The following SCRN1 variants were observed in gnomAD, a reference collection of about 807,000 sequenced individuals.
SCRN1 encodes secernin 1, also known as secernin-1.
A neutral mutation model predicts 43.3 loss-of-function variants in SCRN1; 19 were observed. The observed-to-expected ratio is 0.44, with a 90% CI of 0.31 to 0.64. The LOEUF (loss-of-function observed/expected upper bound fraction) is 0.64, where lower values mean the gene tolerates loss of function less well. Ranked by LOEUF, SCRN1 falls within the 30% of genes least tolerant of loss-of-function variation. The probability of loss-of-function intolerance (pLI) is 0.09; values close to 1 mark genes in which losing one functional copy is unlikely to be tolerated. For missense variants in SCRN1, 447 were observed against 524.1 expected (o/e 0.85, Z 1.44); for synonymous variants, 183 against 188.9 (o/e 0.97, Z 0.26).
chr7:29,984,795 C>T (rs1015931030), intron 1 of SCRN1, among the ~76,000 whole-genome samples: 1 of 144,866 alleles, frequency 6.9e-6, no homozygotes, highest in African/African-American at 2.6e-5. Flanking sequence ...GTGGCAGACG[C>T]CTGTAATCCC....
chr7:29,924,038 G>A lies in SCRN1; in HGVS notation c.1164C>T (p.Thr388=), dbSNP rs996454440. The A allele has an allele frequency of 5.6e-6, 9 of 1,614,052 alleles. No individual in the cohort carries two copies. Among genetic ancestry groups the A allele is most frequent in the African/African-American group, 5.3e-5 (4 of 74,924 alleles). Residue 388 remains threonine, a synonymous_variant, in exon 8 of 8, where the codon ACC becomes ACT. Coordinates refer to ENST00000242059, the MANE Select transcript of SCRN1 (RefSeq NM_014766.5). ...CCGCAGGGTCCAGTGGCTCGGAGCT[G>A]GTCAGGATTTCTTCCATGGCTTCCA... ...QGLEAMEEIL[T]SSEPLDPAEV...
intron 1 of SCRN1, among the ~76,000 whole-genome samples, chr7:29,973,990 G>A (rs945357149): frequency 4.0e-5 from 6 of 151,730 alleles, no homozygotes; most frequent in East Asian, 1.9e-4. Context: ...ATGATTTGAG[G>A]GGCAAGATAA....
rs532731468 is a variant in SCRN1 at position 29,965,234 on chromosome 7, T to A, written c.159+3675A>T. On this transcript the variant is annotated intron_variant, in intron 2 of 7. Coordinates refer to ENST00000242059, the MANE Select transcript of SCRN1 (RefSeq NM_014766.5). The surrounding 1 kb of genome is among the most constrained non-coding windows in gnomAD (Gnocchi z 4.2). ...ATGGCATACAAATCAGCTTGGACTC[T>A]CATCCTGTAAACAAAACGAAACACT... 1.3e-4 allele frequency among the ~76,000 whole-genome samples: 20 copies of A among 152,288 alleles called. No homozygotes were observed. The highest frequency in any genetic ancestry group is 9.2e-4 in the Admixed American group (14 of 15,300).
intron 1 of SCRN1, chr7:29,969,767 T>C: frequency 2.2e-6 from 1 of 455,116 alleles, no homozygotes; most frequent in Non-Finnish European, 4.4e-6. Context: ...AGTTACATGC[T>C]GATGACTTAC....
intron 2 of SCRN1, among the ~76,000 whole-genome samples, chr7:29,961,767 G>A (rs1033687660): frequency 2.0e-5 from 3 of 150,828 alleles, no homozygotes; most frequent in East Asian, 3.9e-4. Flanking sequence ...GCGGCTGGCC[G>A]GGCAGGGGGC....
chr7:29,949,914 G>A (rs543106972), intron 3 of SCRN1, among the ~76,000 whole-genome samples: 2 of 152,350 alleles, frequency 1.3e-5, no homozygotes, highest in East Asian at 3.9e-4. Context: ...GGGCTCAAGT[G>A]ATCCTCATGA....
intron 6 of SCRN1, among the ~76,000 whole-genome samples, chr7:29,934,723 T>G (rs552564893): frequency 6.6e-6 from 1 of 152,284 alleles, no homozygotes; most frequent in Non-Finnish European, 1.5e-5. Flanking sequence ...ATCAAGGGAA[T>G]AGCAACTGGA....
intron 3 of SCRN1, among the ~76,000 whole-genome samples, chr7:29,949,097 C>T (rs1196301991): frequency 1.3e-5 from 2 of 151,982 alleles, no homozygotes; most frequent in East Asian, 1.9e-4. Flanking sequence ...AGGCGGATCA[C>T]GAGGTCAGGA....
At chr7:29,937,565 G>A (rs767994538) in intron 5 of SCRN1, among the ~76,000 whole-genome samples, 28 of 151,990 alleles carry the variant, frequency 1.8e-4, no homozygotes, top group Admixed American at 8.5e-4. Flanking sequence ...AATCTACTAC[G>A]CACAGTCCAC....
chr7:29,972,227 G>T (rs1788687713), intron 1 of SCRN1, among the ~76,000 whole-genome samples: 1 of 152,168 alleles, frequency 6.6e-6, no homozygotes, highest in African/African-American at 2.4e-5. Flanking sequence ...AAGATAAGAT[G>T]GGGAAAGGAT....
chr7:29,928,324 C>A (rs1787038439), intron 6 of SCRN1, among the ~76,000 whole-genome samples: 1 of 152,030 alleles, frequency 6.6e-6, no homozygotes, highest in African/African-American at 2.4e-5. Flanking sequence ...ATAACATATC[C>A]CAGTCTGAAG....
rs911499497 is a variant in SCRN1 at position 29,922,050 on chromosome 7, T to A, written c.*1907A>T. Reference sequence around the variant, plus strand: ...CCTCGAACCTCACTTTCCCCCCCCCTTAACAGTGATAGAAAGACACTTTTA... The same window carrying A: ...CCTCGAACCTCACTTTCCCCCCCCCATAACAGTGATAGAAAGACACTTTTA... On this transcript the variant is annotated 3_prime_UTR_variant, in exon 8 of 8. Coordinates refer to ENST00000242059, the MANE Select transcript of SCRN1 (RefSeq NM_014766.5). The A allele has an allele frequency of 2.0e-5, 3 of 151,362 alleles. No homozygotes were observed. Among genetic ancestry groups the A allele is most frequent in the Non-Finnish European group, 4.4e-5 (3 of 68,010 alleles). The allele number at this position is 151,362 out of a possible 1,614,324, so 9.4% of individuals were successfully genotyped here.
intron 2 of SCRN1, among the ~76,000 whole-genome samples, chr7:29,957,090 T>C (rs1788161726): frequency 2.6e-5 from 4 of 152,234 alleles, no homozygotes; most frequent in Admixed American, 2.6e-4. Flanking sequence ...AGATTTATCA[T>C]ACAGGTTTTT....
chr7:29,934,446 T>C (rs1213180997), intron 6 of SCRN1, among the ~76,000 whole-genome samples: 1 of 152,194 alleles, frequency 6.6e-6, no homozygotes, highest in Non-Finnish European at 1.5e-5. Context: ...GGAAGGGTCC[T>C]GTTCCCTAAA....
At chr7:29,930,709 AG>A (rs147066754) in intron 6 of SCRN1, among the ~76,000 whole-genome samples, 3,553 of 152,330 alleles carry the variant, frequency 0.023, 59 homozygotes, top group East Asian at 0.068. Flanking sequence ...ACCAACCTTC[AG>A]AAAAGTCACC....
At chr7:29,989,607 G>C (rs1022779617) in intron 1 of SCRN1, 35 bp downstream of exon 1, 3 of 985,516 alleles carry the variant, frequency 3.0e-6, no homozygotes, top group Non-Finnish European at 3.6e-6. Flanking sequence ...GGAAAGCAGC[G>C]CTGCAAACGC....
chr7:29,965,193 T>G lies in SCRN1; in HGVS notation c.159+3716A>C, dbSNP rs956818815. ...AAAGGAAAAGTGAGCAGGGTGCCAGTTGGGAAGAGTTCTGAATGGCATACA... is the reference window on the plus strand; with the variant it reads ...AAAGGAAAAGTGAGCAGGGTGCCAGGTGGGAAGAGTTCTGAATGGCATACA... On this transcript the variant is annotated intron_variant, in intron 2 of 7. Coordinates refer to ENST00000242059, the MANE Select transcript of SCRN1 (RefSeq NM_014766.5). This position sits in a 1 kb window ranked among gnomAD's most constrained non-coding sequence, Gnocchi z 4.2. Among the ~76,000 whole-genome samples the G allele has an allele frequency of 2.6e-5, 4 of 152,054 alleles. No homozygotes were observed. Among genetic ancestry groups the G allele is most frequent in the African/African-American group, 9.7e-5 (4 of 41,382 alleles).
chr7:29,944,152 A>C lies in SCRN1; in HGVS notation c.369T>G (p.Ala123=). ...AGACAATGACATCTAAGGCTTCTTT[A>C]GCTGTTTCCCCTCTTTCTAAACCAA... ...VRLGLERGET[A]KEALDVIVSL... The change falls in exon 4 of 8, where the codon GCT becomes GCG. Residue 123 remains alanine (A), a synonymous_variant. Transcript: ENST00000242059. The C allele has an allele frequency of 6.2e-7, 1 of 1,614,222 alleles. No individual in the cohort carries two copies. The highest frequency in any genetic ancestry group is 8.5e-7 in the Non-Finnish European group (1 of 1,180,032).
intron 1 of SCRN1, among the ~76,000 whole-genome samples, chr7:29,972,488 G>T (rs190854404): frequency 1.1e-4 from 17 of 152,298 alleles, no homozygotes; most frequent in African/African-American, 4.1e-4. Context: ...AATCTGGGTC[G>T]CATGATCATG....
Sources: gnomAD v4.1 joint callset for allele counts (sites outside exome capture counted in the v4.1 genomes callset) on GRCh38, gnomAD v4.1.1 for gene constraint, Gnocchi (gnomAD v3.1) non-coding constraint, MANE v1.5 for transcripts, NCBI Gene and HGNC (gene_info 2026-07-23, HGNC 2026-07-21) for gene names.